DGAT1: variants seen among roughly 807,000 people sequenced by gnomAD.
DGAT1 encodes the protein diacylglycerol O-acyltransferase 1.
A neutral mutation model predicts 72.6 loss-of-function variants in DGAT1; 60 were observed. The ratio of observed to expected loss-of-function variants is 0.83; its 90% CI spans 0.67 to 1.02. The LOEUF (loss-of-function observed/expected upper bound fraction) is 1.02, where lower values mean the gene tolerates loss of function less well. Ranked by LOEUF, DGAT1 falls within the 50% of genes least tolerant of loss-of-function variation. The pLI is 0.00. For synonymous variants in DGAT1, 290 were observed against 267.5 expected, an observed-to-expected ratio of 1.08 and a Z score of -0.82; for missense variants, 592 against 670.0, an observed-to-expected ratio of 0.88 and a Z score of 1.29.
At position 144,316,574 on chromosome 8, in the gene DGAT1, C is replaced by A; in HGVS notation, c.1447G>T (p.Ala483Ser). 6.3e-7 allele frequency: 1 copy of A among 1,599,986 alleles called. No homozygotes were observed. Among genetic ancestry groups the A allele is most frequent in the Non-Finnish European group, 8.5e-7 (1 of 1,174,000 alleles). The change falls in exon 17 of 17, where the codon GCC (alanine) becomes TCC (serine). Residue 483 changes from alanine to serine, a missense_variant. Physicochemically the swap from Ala to Ser is moderately conservative, Grantham distance 99. Transcript: ENST00000528718. Reference protein sequence around the residue: ...VHDYYVLNYEAPAAEA With the variant: ...VHDYYVLNYESPAAEA ...GCAGCTCAGGCCTCTGCCGCTGGGG[C>A]CTCATAGTTGAGCACGTAGTAGTCG...
At position 144,315,570 on chromosome 8, in the gene DGAT1, G is replaced by A; in HGVS notation, c.*984C>T. ...GGTAAGGCAGCAGCAGGGCCCTGGG[G>A]TTACCCCTGACCTCCCGCTACCATC... On this transcript the variant is annotated 3_prime_UTR_variant, in exon 17 of 17. Coordinates refer to ENST00000528718, the MANE Select transcript of DGAT1 (RefSeq NM_012079.6). 1.0e-6 allele frequency: 1 copy of A among 985,670 alleles called. No homozygotes were observed. Among genetic ancestry groups the A allele is most frequent in the South Asian group, 4.7e-5 (1 of 21,298 alleles). The allele number at this position is 985,670 out of a possible 1,614,324, so 61.1% of individuals were successfully genotyped here.
rs1554847117 is a variant in DGAT1 at position 144,316,841 on chromosome 8, G to A, written c.1311+12C>T. 6.2e-7 allele frequency: 1 copy of A among 1,607,762 alleles called. No homozygotes were observed. Among genetic ancestry groups the A allele is most frequent in the South Asian group, 1.1e-5 (1 of 90,228 alleles). On this transcript the variant is annotated intron_variant, in intron 16 of 16. Transcript: ENST00000528718. ...ACTGGGCGAGTGAGGAGGCCACGTG[G>A]GGGTCACTCACCTGAGCCATCATGC...
chr8:144,316,144 C>G lies in DGAT1; in HGVS notation c.*410G>C. On this transcript the variant is annotated 3_prime_UTR_variant, in exon 17 of 17. Transcript: ENST00000528718. ...GGGGCGTCTGCCTGGCCTTGCACTC[C>G]CCCTACCGGCCATGCCCGCCCTGCT... is the stretch of plus-strand genomic sequence containing the variant. 4.9e-6 allele frequency: 1 copy of G among 205,406 alleles called. No homozygotes were observed. Among genetic ancestry groups the G allele is most frequent in the Non-Finnish European group, 9.7e-6 (1 of 103,332 alleles). 12.7% of individuals were successfully genotyped at this position (205,406 alleles called of 1,614,324 possible).
Position 144,320,499 on chromosome 8 carries a change from G to A in DGAT1, c.288+822C>T, listed in dbSNP as rs143956352. 3.3e-3 allele frequency among the ~76,000 whole-genome samples: 496 copies of A among 152,298 alleles called. 7 individuals carry two copies. The highest frequency in any genetic ancestry group is 0.014 in the Middle Eastern group (4 of 294). On this transcript the variant is annotated intron_variant, in intron 2 of 16. Coordinates refer to ENST00000528718, the MANE Select transcript of DGAT1 (RefSeq NM_012079.6). Reference sequence around the variant, plus strand: ...GCCCCTTCCACGTGGGTAGCCACAGGAGCAGCACCCAAGGCCAGAGATAGA... The same window carrying A: ...GCCCCTTCCACGTGGGTAGCCACAGAAGCAGCACCCAAGGCCAGAGATAGA...
chr8:144,326,611 C>T lies in DGAT1; in HGVS notation c.26G>A (p.Arg9His). The stretch of plus-strand genomic sequence containing the variant: ...CGAGGGCCGCGACCCTGTCCTCCGG[C>T]GCCGGGAGCTGCCGCGGTCGCCCAT... Reference protein sequence around the residue: MGDRGSSRRRRTGSRPSSH... With the variant: MGDRGSSRHRRTGSRPSSH... Residue 9 changes from arginine (R) to histidine (H), a missense_variant, in exon 1 of 17, where the codon CGC (arginine) becomes CAC (histidine). By Grantham distance (29) the Arg-to-His change is conservative. Transcript: ENST00000528718. 7.4e-6 allele frequency: 9 copies of T among 1,209,536 alleles called. No individual in the cohort carries two copies. Among genetic ancestry groups the T allele is most frequent in the Non-Finnish European group, 9.2e-6 (9 of 973,740 alleles). 74.9% of individuals were successfully genotyped at this position (1,209,536 alleles called of 1,614,324 possible). A position where few individuals can be genotyped will look rare whatever the true frequency, so the allele number is the denominator to read the frequency against.
Position 144,316,884 on chromosome 8 carries a change from C to T in DGAT1, c.1280G>A (p.Arg427His), listed in dbSNP as rs147655123. The change falls in exon 16 of 17, where the codon CGC (arginine) becomes CAC (histidine). Residue 427 changes from arginine (R) to histidine (H), a missense_variant. Transcript: ENST00000528718. ...CATCATGCCCGTGAACGCCCAGAGGCGGAACATTCGCAGAGGGACGCTCAC... is the reference window on the plus strand; with the variant it reads ...CATCATGCCCGTGAACGCCCAGAGGTGGAACATTCGCAGAGGGACGCTCAC... ...YLVSVPLRMF[R>H]LWAFTGMMAQ... 5 of 1,611,624 alleles carry T rather than the reference C, an allele frequency of 3.1e-6. No individual in the cohort carries two copies. The highest frequency in any genetic ancestry group is 1.3e-5 in the African/African-American group (1 of 74,886).
At chr8:144,324,766 T>TA (rs1219179620) in intron 1 of DGAT1, among the ~76,000 whole-genome samples, 45 of 151,878 alleles carry the variant, frequency 3.0e-4, no homozygotes, top group East Asian at 5.8e-4. Flanking sequence ...CATCTCACAC[T>TA]AAAAAAAATC....
At chr8:144,322,001 T>C (rs1299084356) in intron 1 of DGAT1, among the ~76,000 whole-genome samples, 2 of 152,186 alleles carry the variant, frequency 1.3e-5, no homozygotes, top group Non-Finnish European at 2.9e-5. Flanking sequence ...CGTGTGCCGG[T>C]GTAGCCTCCA....
intron 1 of DGAT1, among the ~76,000 whole-genome samples, 157 bp from the exon 2 acceptor site, chr8:144,321,565 C>T (rs1817459816): frequency 4.6e-5 from 7 of 152,196 alleles, no homozygotes; most frequent in Admixed American, 1.3e-4. Context: ...CACACTGTGG[C>T]CTCAAGACCT....
Position 144,318,117 on chromosome 8 carries a change from G to A in DGAT1, c.729C>T (p.Tyr243=), listed in dbSNP as rs1817310404. Residue 243 remains tyrosine (Y), a synonymous_variant, in exon 8 of 17, where the codon TAC becomes TAT. Transcript: ENST00000528718. ...CACCGCGGTAGGTCAGATTGTCCGG[G>A]TAGCTCACGGTGTGCGGGGCAGCAG... The part of the protein sequence containing the change: ...SSAAAPHTVS[Y]PDNLTYRDLY... 6.5e-7 allele frequency: 1 copy of A among 1,540,918 alleles called. No individual in the cohort carries two copies. Among genetic ancestry groups the A allele is most frequent in the East Asian group, 2.3e-5 (1 of 44,248 alleles).
Position 144,318,279 on chromosome 8 carries a change from T to C in DGAT1, c.658A>G (p.Arg220Gly), listed in dbSNP as rs782671953. The change falls in exon 7 of 17, where the codon AGG becomes GGG. Residue 220 changes from arginine to glycine, a missense_variant. Arg to Gly is a moderately radical substitution (Grantham distance 125, BLOSUM62 -2). Transcript: ENST00000528718. The part of the protein sequence containing the change: ...SYRDVNSWCR[R>G]ARAKAASAGK... ...CCCTCACCAGCCTTGGCCCTGGCCCTGCGGCACCATGAGTTGACGTCGCGG... is the reference window on the plus strand; with the variant it reads ...CCCTCACCAGCCTTGGCCCTGGCCCCGCGGCACCATGAGTTGACGTCGCGG... 21 of 1,612,636 alleles carry C rather than the reference T, an allele frequency of 1.3e-5. No individual in the cohort carries two copies. In the South Asian group the frequency reaches 2.1e-4, roughly 16 times the overall value.
chr8:144,326,448 G>T lies in DGAT1; in HGVS notation c.189C>A (p.His63Gln). ...AGGCGCTCCGCTACCTCAGCTCCCA[G>T]TGGCCGCTGCCCACGCCGGCGTCTC... ...KDGDAGVGSGHWELRCHRLQD... is the reference protein window; with the variant it reads ...KDGDAGVGSGQWELRCHRLQD... The change falls in exon 1 of 17, where the codon CAC (histidine) becomes CAA (glutamine). Residue 63 changes from histidine (H) to glutamine (Q), a missense_variant. By Grantham distance (24) the His-to-Gln change is conservative. Coordinates refer to ENST00000528718, the MANE Select transcript of DGAT1 (RefSeq NM_012079.6). The T allele has an allele frequency of 7.3e-7, 1 of 1,368,464 alleles. No individual in the cohort carries two copies. The highest frequency in any genetic ancestry group is 9.5e-7 in the Non-Finnish European group (1 of 1,049,552). The allele number at this position is 1,368,464 out of a possible 1,614,324, so 84.8% of individuals were successfully genotyped here.
In DGAT1 at chr8:144,314,732, T is replaced by A. The variant is rs1045983288; in HGVS notation, c.*1822A>T. 4.0e-5 allele frequency: 9 copies of A among 227,348 alleles called. No individual in the cohort carries two copies. The highest frequency in any genetic ancestry group is 5.1e-5 in the Admixed American group (1 of 19,428). 14.1% of individuals were successfully genotyped at this position (227,348 alleles called of 1,614,324 possible). ...GACAGGCTCTATGCTATGGCCTCCA[T>A]GTGTTTCCTCTGTCCCAGGGTGGTG... On this transcript the variant is annotated 3_prime_UTR_variant, in exon 17 of 17. Transcript: ENST00000528718.
At position 144,318,090 on chromosome 8, in the gene DGAT1, C is replaced by T. The variant is rs2130518698; in HGVS notation, c.751+5G>A. 6.5e-7 allele frequency: 1 copy of T among 1,527,234 alleles called. No homozygotes were observed. The highest frequency in any genetic ancestry group is 2.3e-5 in the East Asian group (1 of 44,188). The allele number at this position is 1,527,234 out of a possible 1,614,324, so 94.6% of individuals were successfully genotyped here. On this transcript the variant is annotated splice_donor_5th_base_variant and intron_variant, in intron 8 of 16. Coordinates refer to ENST00000528718, the MANE Select transcript of DGAT1 (RefSeq NM_012079.6). Reference sequence around the variant, plus strand: ...CCCGCACCTCAGGCCCACAGAGGTCCTCACCGCGGTAGGTCAGATTGTCCG... The same window carrying T: ...CCCGCACCTCAGGCCCACAGAGGTCTTCACCGCGGTAGGTCAGATTGTCCG...
In DGAT1 at chr8:144,318,881, C is replaced by T. The variant is rs1554847760; in HGVS notation, c.369G>A (p.Leu123=). The part of the protein sequence containing the change: ...ILVDPIQVVS[L]FLKDPYSWPA... ...GCCAGCTATAGGGATCCTTCAGGAA[C>T]AGAGAAACCACCTGGATGGGGTCCA... The change falls in exon 4 of 17, where the codon CTG becomes CTA. Residue 123 remains leucine (L), a synonymous_variant. Transcript: ENST00000528718. The T allele has an allele frequency of 1.2e-6, 2 of 1,611,484 alleles. No individual in the cohort carries two copies. Among genetic ancestry groups the T allele is most frequent in the Non-Finnish European group, 1.7e-6 (2 of 1,179,050 alleles).
rs990523962 is a variant in DGAT1, at chr8:144,316,120, G to A, written c.*434C>T. ...CTAGGTAGGGGAGTGTGGGGAATGG[G>A]GGCGTCTGCCTGGCCTTGCACTCCC... is the stretch of plus-strand genomic sequence containing the variant. On this transcript the variant is annotated 3_prime_UTR_variant, in exon 17 of 17. Coordinates refer to ENST00000528718, the MANE Select transcript of DGAT1 (RefSeq NM_012079.6). The A allele has an allele frequency of 9.4e-6, 2 of 213,088 alleles. No individual in the cohort carries two copies. Among genetic ancestry groups the A allele is most frequent in the Non-Finnish European group, 1.7e-5 (2 of 114,626 alleles). 13.2% of individuals were successfully genotyped at this position (213,088 alleles called of 1,614,324 possible).
chr8:144,319,868 C>T (rs1485491825), intron 2 of DGAT1, among the ~76,000 whole-genome samples: 2 of 152,328 alleles, frequency 1.3e-5, no homozygotes, highest in African/African-American at 2.4e-5. Flanking sequence ...ACCCGGAGCT[C>T]GGGCCTCATG....
rs781911624 is a variant in DGAT1 at position 144,316,665 on chromosome 8, A to G, written c.1356T>C (p.Tyr452=). 1.9e-6 allele frequency: 3 copies of G among 1,612,094 alleles called. No individual in the cohort carries two copies. The highest frequency in any genetic ancestry group is 3.3e-5 in the Admixed American group (2 of 59,872). Residue 452 remains tyrosine (Y), a synonymous_variant, in exon 17 of 17, where the codon TAT becomes TAC. Coordinates refer to ENST00000528718, the MANE Select transcript of DGAT1 (RefSeq NM_012079.6). ...GCGACAGCCACACAGCTGCGTTGCC[A>G]TAGTTGCCCTGGAAAAAGCGGCCCA... ...WFVGRFFQGN[Y]GNAAVWLSLI...
chr8:144,314,631 T>G lies in DGAT1; in HGVS notation c.*1923A>C. The G allele has an allele frequency of 9.0e-6, 4 of 444,068 alleles. No homozygotes were observed. The highest frequency in any genetic ancestry group is 3.9e-5 in the East Asian group (1 of 25,966). The allele number at this position is 444,068 out of a possible 1,614,324, so 27.5% of individuals were successfully genotyped here. On this transcript the variant is annotated 3_prime_UTR_variant, in exon 17 of 17. Coordinates refer to ENST00000528718, the MANE Select transcript of DGAT1 (RefSeq NM_012079.6). ...TTTGGATTTTTACACAACTGTCCCG[T>G]TCCCCGCTCCACAGAGATACACAGA...
Sources: gnomAD v4.1 joint callset for allele counts (sites outside exome capture counted in the v4.1 genomes callset) on GRCh38, gnomAD v4.1.1 for gene constraint, MANE v1.5 for transcripts, NCBI Gene and HGNC (gene_info 2026-07-23, HGNC 2026-07-21) for gene names.